The following JMJD1C variants were observed in gnomAD, a reference collection of about 807,000 sequenced individuals.
The protein encoded by JMJD1C is jumonji domain-containing protein 1C.
In JMJD1C, 31 loss-of-function variants were observed where a neutral mutation model predicts 245.3. The observed-to-expected ratio is 0.13, with a 90% CI of 0.09 to 0.17. The LOEUF (loss-of-function observed/expected upper bound fraction) is 0.17, where lower values mean the gene tolerates loss of function less well. JMJD1C is among the 10% of genes least tolerant of loss of function. The pLI is 1.00. For synonymous variants in JMJD1C, 1,057 were observed against 1,017.4 expected, an observed-to-expected ratio of 1.04 and a Z score of -0.74; for missense variants, 2,691 against 3,000.2, an observed-to-expected ratio of 0.90 and a Z score of 2.41.
chr10:63,316,022 T>C (rs1940001537), intron 2 of JMJD1C, among the ~76,000 whole-genome samples: 1 of 151,810 alleles, frequency 6.6e-6, no homozygotes, highest in African/African-American at 2.4e-5. Flanking sequence ...ATAAAAAAAT[T>C]AGCCAGGCAT....
chr10:63,222,513 T>C lies in JMJD1C; in HGVS notation c.448-2530A>G, dbSNP rs939006887. 5.6e-6 allele frequency: 7 copies of C among 1,243,404 alleles called. No homozygotes were observed. In the African/African-American group the frequency reaches 1.0e-4, roughly 18 times the overall value. 77.0% of individuals were successfully genotyped at this position (1,243,404 alleles called of 1,614,324 possible). On this transcript the variant is annotated intron_variant, in intron 3 of 25. Coordinates refer to ENST00000399262, the MANE Select transcript of JMJD1C (RefSeq NM_032776.3). ...GAATGTGGACTTGATTTTGACTGAC[T>C]GCACTTTTGTCCCAAAGATACTCAA...
intron 2 of JMJD1C, among the ~76,000 whole-genome samples, chr10:63,374,466 A>G (rs770888608): frequency 1.3e-5 from 2 of 152,206 alleles, no homozygotes; most frequent in African/African-American, 4.8e-5. Context: ...TGAGTGAGAT[A>G]AAAACACCCC....
intron 1 of JMJD1C, among the ~76,000 whole-genome samples, chr10:63,401,505 T>C (rs957419928): frequency 1.3e-5 from 2 of 152,126 alleles, no homozygotes; most frequent in East Asian, 1.9e-4. Flanking sequence ...CCTAGGCCTC[T>C]TGTATTGTTA....
intron 3 of JMJD1C, among the ~76,000 whole-genome samples, chr10:63,245,557 ACT>A (rs1478937009): frequency 3.7e-5 from 5 of 136,376 alleles, no homozygotes; most frequent in Non-Finnish European, 7.6e-5. Context: ...ATCTCAGCTC[ACT>A]GCAATCTCTG....
intron 22 of JMJD1C, among the ~76,000 whole-genome samples, chr10:63,178,536 T>TA (rs1260976310): frequency 6.6e-6 from 1 of 152,224 alleles, no homozygotes; most frequent in Non-Finnish European, 1.5e-5. Flanking sequence ...GAATAAGGGA[T>TA]AACCTCTATT....
intron 2 of JMJD1C, among the ~76,000 whole-genome samples, chr10:63,270,151 T>G (rs1186059469): frequency 6.6e-6 from 1 of 152,164 alleles, no homozygotes. Context: ...TGGACAAGAA[T>G]GCTCTAATAG....
Position 63,215,603 on chromosome 10 carries a change from T to C in JMJD1C, c.772A>G (p.Ile258Val). The change falls in exon 6 of 26, where the codon ATT becomes GTT. Residue 258 changes from isoleucine to valine, a missense_variant. By Grantham distance (29) the Ile-to-Val change is conservative. This residue lies in a region of JMJD1C where 172 missense variants were observed against 240.8 expected (regional missense o/e 0.71). Transcript: ENST00000399262. ...GCACGAGACCTGCGTCGTGATGTAATGCCAATATTTTCACCTTTTAACAAA... is the reference window on the plus strand; with the variant it reads ...GCACGAGACCTGCGTCGTGATGTAACGCCAATATTTTCACCTTTTAACAAA... ...HSLLKGENIGITSRRRSRANQ... is the reference protein window; with the variant it reads ...HSLLKGENIGVTSRRRSRANQ... 6.2e-7 allele frequency: 1 copy of C among 1,611,698 alleles called. No homozygotes were observed. The highest frequency in any genetic ancestry group is 2.2e-5 in the East Asian group (1 of 44,782).
At chr10:63,408,117 A>G (rs569580085) in intron 1 of JMJD1C, among the ~76,000 whole-genome samples, 4 of 152,256 alleles carry the variant, frequency 2.6e-5, no homozygotes, top group East Asian at 3.9e-4. Context: ...ACAACAGATA[A>G]AAATCACCTG....
intron 2 of JMJD1C, among the ~76,000 whole-genome samples, chr10:63,305,987 T>A (rs1195116610): frequency 2.0e-5 from 3 of 151,972 alleles, no homozygotes; most frequent in Non-Finnish European, 1.5e-5. Flanking sequence ...GCCTCCTAAA[T>A]ACTGGGATTA....
At chr10:63,362,406 G>A (rs1488217804) in intron 2 of JMJD1C, among the ~76,000 whole-genome samples, 4 of 151,940 alleles carry the variant, frequency 2.6e-5, no homozygotes, top group Admixed American at 6.6e-5. Flanking sequence ...CTTGCCATCA[G>A]ATAGGCAAAA....
intron 2 of JMJD1C, chr10:63,301,830 T>C (rs536508567): frequency 2.5e-6 from 1 of 403,088 alleles, no homozygotes; most frequent in African/African-American, 2.1e-5. Context: ...AAAAATAAAA[T>C]AAAACATTTT....
chr10:63,307,214 AGAAT>A (rs1433829671), intron 2 of JMJD1C, among the ~76,000 whole-genome samples: 1 of 152,224 alleles, frequency 6.6e-6, no homozygotes, highest in Non-Finnish European at 1.5e-5. Flanking sequence ...CCAAAAAGCA[AGAAT>A]GAATGCTGAG....
At chr10:63,239,068 T>G (rs1851151204) in intron 3 of JMJD1C, among the ~76,000 whole-genome samples, 1 of 152,038 alleles carries the variant, frequency 6.6e-6, no homozygotes, top group African/African-American at 2.4e-5. Context: ...AATATTTGAG[T>G]TGAGACTCAA....
At chr10:63,360,279 T>C (rs1190571686) in intron 2 of JMJD1C, among the ~76,000 whole-genome samples, 1 of 152,172 alleles carries the variant, frequency 6.6e-6, no homozygotes. Flanking sequence ...AAGCATCACT[T>C]GAGCCAAGGA....
At chr10:63,201,546 C>T (rs1395179147) in intron 10 of JMJD1C, among the ~76,000 whole-genome samples, 2 of 152,014 alleles carry the variant, frequency 1.3e-5, no homozygotes, top group Non-Finnish European at 2.9e-5. Context: ...TCAAGAAATC[C>T]GTCATCTAGA....
chr10:63,268,775 G>A (rs1441102080), intron 2 of JMJD1C: 1 of 984,748 alleles, frequency 1.0e-6, no homozygotes. Context: ...AGTATCTAGT[G>A]TAAATACTTC....
rs59823871 is a variant in JMJD1C, at chr10:63,424,497, C to CTTTTTTTTTT, written c.168+40988_168+40997dup. Among the ~76,000 whole-genome samples the CTTTTTTTTTT allele has an allele frequency of 1.3e-3, 137 of 103,388 alleles. 1 individual carries two copies. The highest frequency in any genetic ancestry group is 1.5e-3 in the African/African-American group (41 of 27,852). 67.8% of individuals were successfully genotyped at this position (103,388 alleles called of 152,430 possible). A position where few individuals can be genotyped will look rare whatever the true frequency, so the allele number is the denominator to read the frequency against. ...ACTTACACAAAAACCATTATTATTT[C>CTTTTTTTTTT]TTTTTTTTTTTTTTTTTTTTTCTTT... On this transcript the variant is annotated intron_variant, in intron 1 of 25. Transcript: ENST00000399262.
At position 63,247,733 on chromosome 10, in the gene JMJD1C, A is replaced by AAG. The variant is rs201684197; in HGVS notation, c.447+16917_447+16918insCT. Among the ~76,000 whole-genome samples the AAG allele has an allele frequency of 1.2e-3, 175 of 151,596 alleles. No individual in the cohort carries two copies. The East Asian group carries it at 0.027, about 23-fold the overall frequency. ...GGTGACAGAGCCAAAAAAAAAAAAA[A>AAG]AAAAAGAAACAAAAACCTTGCATCT... is the stretch of plus-strand genomic sequence containing the variant. On this transcript the variant is annotated intron_variant, in intron 3 of 25. Transcript: ENST00000399262.
At chr10:63,399,409 C>T (rs925424875) in intron 1 of JMJD1C, among the ~76,000 whole-genome samples, 3 of 152,126 alleles carry the variant, frequency 2.0e-5, no homozygotes, top group African/African-American at 7.2e-5. Flanking sequence ...GCTAGGGGTG[C>T]TCATTACTCC....
Sources: allele counts gnomAD v4.1 joint callset (sites outside exome capture counted in the v4.1 genomes callset), GRCh38; gene constraint gnomAD v4.1.1; regional missense constraint gnomAD v4.1.1; transcripts MANE v1.5; gene names NCBI Gene and HGNC (gene_info 2026-07-23, HGNC 2026-07-21).